The following CALCOCO1 variants were observed in gnomAD, a reference collection of about 807,000 sequenced individuals.
The protein encoded by CALCOCO1 is calcium binding and coiled-coil domain 1.
CALCOCO1 carries 44 observed loss-of-function variants against 86.3 expected under a neutral mutation model. The ratio of observed to expected loss-of-function variants is 0.51; its 90% CI spans 0.40 to 0.66. The LOEUF (loss-of-function observed/expected upper bound fraction) is 0.66. CALCOCO1 is among the 30% of genes least tolerant of loss of function. The pLI, the probability that CALCOCO1 is intolerant of heterozygous loss-of-function variation, is 0.00. For synonymous variants in CALCOCO1, 297 were observed against 327.6 expected, an observed-to-expected ratio of 0.91 and a Z score of 1.01; for missense variants, 708 against 851.1, an observed-to-expected ratio of 0.83 and a Z score of 2.09.
In CALCOCO1 at chr12:53,708,837, G is replaced by A. The variant is rs1295320120; in HGVS notation, c.*3107C>T. On this transcript the variant is annotated 3_prime_UTR_variant, in exon 15 of 15. Coordinates refer to ENST00000550804, the MANE Select transcript of CALCOCO1 (RefSeq NM_020898.3). ...TGAGGGCAGTCAAGTAAGGCTCCATGTAGGTGGTATCCTTTGAGCTAGGAG... is the reference window on the plus strand; with the variant it reads ...TGAGGGCAGTCAAGTAAGGCTCCATATAGGTGGTATCCTTTGAGCTAGGAG... 20 of 152,218 alleles carry A rather than the reference G, an allele frequency of 1.3e-4. No homozygotes were observed. The allele number at this position is 152,218 out of a possible 1,614,324, so 9.4% of individuals were successfully genotyped here.
intron 14 of CALCOCO1, chr12:53,712,356 TC>T: frequency 2.2e-6 from 1 of 455,686 alleles, no homozygotes; most frequent in Non-Finnish European, 3.9e-6. Context: ...GCAGAGCCCA[TC>T]CCCCAGCCTC....
intron 1 of CALCOCO1, chr12:53,726,116 G>C (rs1818129919): frequency 6.6e-6 from 1 of 152,240 alleles, no homozygotes; most frequent in South Asian, 2.1e-4. Flanking sequence ...GAACAGACTA[G>C]AAAGTGGGAA....
intron 14 of CALCOCO1, chr12:53,712,541 T>A (rs1238210561): frequency 1.3e-5 from 3 of 229,720 alleles, no homozygotes; most frequent in African/African-American, 2.3e-5. Context: ...CTCTCTTCCC[T>A]GTGCCTGCCC....
chr12:53,714,667 C>T lies in CALCOCO1; in HGVS notation c.1413G>A (p.Glu471=), dbSNP rs767052488. 37 of 1,613,836 alleles carry T rather than the reference C, an allele frequency of 2.3e-5. No homozygotes were observed. The highest frequency in any genetic ancestry group is 3.1e-5 in the Non-Finnish European group (37 of 1,179,964). ...GCAGGGCTGACCGCAGCTCTGTCAG[C>T]TCCCGCTTACTTTCTGACAACTGTA... ...SLVQLSESKR[E]LTELRSALRV... is the part of the protein sequence containing the mutation. Residue 471 remains glutamate, a synonymous_variant, in exon 11 of 15, where the codon GAG becomes GAA. Coordinates refer to ENST00000550804, the MANE Select transcript of CALCOCO1 (RefSeq NM_020898.3).
rs924699424 is a variant in CALCOCO1, at chr12:53,711,932, G to A, written c.*12C>T. 6.5e-6 allele frequency: 10 copies of A among 1,546,302 alleles called. No individual in the cohort carries two copies. The Admixed American group carries it at 1.2e-4, about 18-fold the overall frequency. On this transcript the variant is annotated 3_prime_UTR_variant, in exon 15 of 15. Transcript: ENST00000550804. ...CATGAGTGTGTATTTGTGCATGTAC[G>A]AGGGAGTAAGATCACTCAAAGGTGA...
rs373349679 is a variant in CALCOCO1, at chr12:53,724,621, C to A, written c.259+24G>T. On this transcript the variant is annotated intron_variant, in intron 3 of 14. Coordinates refer to ENST00000550804, the MANE Select transcript of CALCOCO1 (RefSeq NM_020898.3). ...CCTCCACTCCCTTGGCTCCTCTCTC[C>A]CAATTTTCCATCTTCCCTTGTACCT... is the stretch of plus-strand genomic sequence containing the variant. The A allele has an allele frequency of 1.0e-3, 1,606 of 1,591,316 alleles. 13 individuals are homozygous for A. The South Asian group carries it at 0.011, about 11-fold the overall frequency.
At chr12:53,712,288 G>A (rs2120533207) in intron 14 of CALCOCO1, 167 bp from the exon 15 acceptor site, 2 of 610,896 alleles carry the variant, frequency 3.3e-6, no homozygotes, top group South Asian at 2.1e-5. Context: ...ATCCTGGAAG[G>A]CTTATTTTTC....
In CALCOCO1 at chr12:53,719,777, GCC is replaced by G; in HGVS notation, c.809_810del (p.Gly270AlafsTer13). On this transcript the variant is annotated frameshift_variant, in exon 7 of 15. Transcript: ENST00000550804. LOFTEE classifies it high-confidence loss of function. Reference protein sequence around the residue: ...ALTREQEKLLGQLKEVQADKE... With the variant: ...ALTREQEKLLXQLKEVQADKE... ...TTGTCTGCTTGTACTTCTTTCAGTT[GCC>G]CAAGGAGCTTCTCTTGTTCCCGAGT... The G allele has an allele frequency of 6.2e-7, 1 of 1,613,824 alleles. No individual in the cohort carries two copies. The highest frequency in any genetic ancestry group is 8.5e-7 in the Non-Finnish European group (1 of 1,179,846).
rs915603143 is a variant in CALCOCO1, at chr12:53,709,160, G to C, written c.*2784C>G. 6.6e-6 allele frequency: 1 copy of C among 152,144 alleles called. No homozygotes were observed. Among genetic ancestry groups the C allele is most frequent in the South Asian group, 2.1e-4 (1 of 4,830 alleles). The allele number at this position is 152,144 out of a possible 1,614,324, so 9.4% of individuals were successfully genotyped here. A position where few individuals can be genotyped will look rare whatever the true frequency, so the allele number is the denominator to read the frequency against. ...AGTCTCAAGCCCATTCAGATCTATC[G>C]GCTTTTGCATGGATGCTGGGGAGCA... On this transcript the variant is annotated 3_prime_UTR_variant, in exon 15 of 15. Transcript: ENST00000550804.
chr12:53,721,906 T>C, intron 5 of CALCOCO1, 119 bp downstream of exon 5: 2 of 1,199,850 alleles, frequency 1.7e-6, no homozygotes. Context: ...CCTATTTCCT[T>C]GATGCCAGAA....
chr12:53,719,765 CTTCT>C lies in CALCOCO1; in HGVS notation c.819_822del (p.Glu274TyrfsTer22). 1 of 1,613,886 alleles carries C rather than the reference CTTCT, an allele frequency of 6.2e-7. No homozygotes were observed. The highest frequency in any genetic ancestry group is 2.2e-5 in the East Asian group (1 of 44,882). ...TCACTTTGCTCCTTGTCTGCTTGTA[CTTCT>C]TTCAGTTGCCCAAGGAGCTTCTCTT... On this transcript the variant is annotated frameshift_variant, in exon 7 of 15. Coordinates refer to ENST00000550804, the MANE Select transcript of CALCOCO1 (RefSeq NM_020898.3). LOFTEE classifies it high-confidence loss of function.
Position 53,725,172 on chromosome 12 carries a change from T to G in CALCOCO1, c.71A>C (p.Tyr24Ser). ...GVNFLNVART[Y>S]IPNTKVECHY... The stretch of plus-strand genomic sequence containing the variant: ...ACATTCCACCTTGGTGTTGGGGATG[T>G]AGGTCCGGGCTACATTGAGAAAGTT... The change falls in exon 2 of 15, where the codon TAC becomes TCC. Residue 24 changes from tyrosine (Y) to serine (S), a missense_variant. By Grantham distance (144) the Tyr-to-Ser change is moderately radical. Transcript: ENST00000550804. The G allele has an allele frequency of 6.2e-7, 1 of 1,613,400 alleles. No homozygotes were observed. Among genetic ancestry groups the G allele is most frequent in the Non-Finnish European group, 8.5e-7 (1 of 1,179,650 alleles).
intron 14 of CALCOCO1, chr12:53,712,329 C>T (rs1187731028): frequency 7.3e-6 from 4 of 546,102 alleles, no homozygotes; most frequent in Admixed American, 3.5e-5. Context: ...TCTTTAGTCC[C>T]TGCTGGTCTC....
Position 53,724,626 on chromosome 12 carries a change from T to C in CALCOCO1, c.259+19A>G, listed in dbSNP as rs1945973864. Reference sequence around the variant, plus strand: ...ACTCCCTTGGCTCCTCTCTCCCAATTTTCCATCTTCCCTTGTACCTTGGAA... The same window carrying C: ...ACTCCCTTGGCTCCTCTCTCCCAATCTTCCATCTTCCCTTGTACCTTGGAA... On this transcript the variant is annotated intron_variant, in intron 3 of 14. Coordinates refer to ENST00000550804, the MANE Select transcript of CALCOCO1 (RefSeq NM_020898.3). 1 of 1,601,992 alleles carries C rather than the reference T, an allele frequency of 6.2e-7. No individual in the cohort carries two copies. Among genetic ancestry groups the C allele is most frequent in the African/African-American group, 1.3e-5 (1 of 74,688 alleles).
intron 7 of CALCOCO1, 144 bp from the exon 8 acceptor site, chr12:53,716,559 G>T: frequency 1.2e-6 from 1 of 814,688 alleles, no homozygotes; most frequent in South Asian, 1.8e-5. Flanking sequence ...AGCCCTTCTT[G>T]GGTTCTCAGC....
chr12:53,715,334 T>G lies in CALCOCO1; in HGVS notation c.1261-9A>C, dbSNP rs767455173. 1.9e-6 allele frequency: 3 copies of G among 1,614,080 alleles called. No homozygotes were observed. The highest frequency in any genetic ancestry group is 3.3e-5 in the Admixed American group (2 of 59,998). ...ATCTTGTCCTTCTCTGCCTGAGAGA[T>G]AGCCAAGAAGGAAAATGGGAGGGTG... On this transcript the variant is annotated splice_polypyrimidine_tract_variant and intron_variant, in intron 9 of 14. Coordinates refer to ENST00000550804, the MANE Select transcript of CALCOCO1 (RefSeq NM_020898.3).
intron 6 of CALCOCO1, 126 bp downstream of exon 6, chr12:53,721,341 G>A (rs575146870): frequency 3.6e-6 from 3 of 830,906 alleles, no homozygotes; most frequent in South Asian, 3.8e-5. Context: ...ACTAGCTTGA[G>A]TGAGGGTGAG....
rs369905884 is a variant in CALCOCO1, at chr12:53,723,423, G to C, written c.450+170C>G. The C allele has an allele frequency of 1.4e-5, 9 of 659,780 alleles. No homozygotes were observed. In the East Asian group the frequency reaches 1.9e-4, roughly 14 times the overall value. 40.9% of individuals were successfully genotyped at this position (659,780 alleles called of 1,614,324 possible). ...GTCTCCTTTCCTGCCTTACATGTTC[G>C]TGTATGTCTATGTTAGACTGAGACT... On this transcript the variant is annotated intron_variant, in intron 4 of 14. Transcript: ENST00000550804.
rs1355487901 is a variant in CALCOCO1 at position 53,723,574 on chromosome 12, T to G, written c.450+19A>C. On this transcript the variant is annotated intron_variant, in intron 4 of 14. Transcript: ENST00000550804. The stretch of plus-strand genomic sequence containing the variant: ...TCCCACTCCCTTGTCTGGGAATAAC[T>G]CTGTTGCTCTTTTCTCACCTGTAAC... 1 of 1,613,900 alleles carries G rather than the reference T, an allele frequency of 6.2e-7. No individual in the cohort carries two copies.
Sources: allele counts gnomAD v4.1 joint callset, GRCh38; gene constraint gnomAD v4.1.1; transcripts MANE v1.5; gene names NCBI Gene and HGNC (gene_info 2026-07-23, HGNC 2026-07-21).